Variants in EXOC4 observed in about 807,000 individuals in gnomAD.
The protein encoded by EXOC4 is SEC8-like 1.
In EXOC4, 71 loss-of-function variants were observed where a neutral mutation model predicts 107.2. The observed-to-expected ratio is 0.66, with a 90% CI of 0.55 to 0.81. EXOC4 has a LOEUF of 0.81. Among genes scored for constraint, EXOC4 ranks in the 30% least tolerant of loss-of-function variants. The pLI, the probability that EXOC4 is intolerant of heterozygous loss-of-function variation, is 0.00. For missense variants in EXOC4, 1,108 were observed against 1,189.6 expected (o/e 0.93, Z 1.01); for synonymous variants, 456 against 441.2 (o/e 1.03, Z -0.42).
chr7:133,572,692 A>G (rs1048512115), intron 9 of EXOC4, among the ~76,000 whole-genome samples: 2 of 152,050 alleles, frequency 1.3e-5, no homozygotes, highest in Non-Finnish European at 2.9e-5. Flanking sequence ...GTGTAGATAC[A>G]TTATTGAATT....
chr7:133,435,016 C>A (rs1188002310), intron 7 of EXOC4, among the ~76,000 whole-genome samples: 2 of 152,202 alleles, frequency 1.3e-5, no homozygotes, highest in South Asian at 4.1e-4. Flanking sequence ...TAGTCTCTCC[C>A]CTTTTAGCAT....
intron 16 of EXOC4, 67 bp from the exon 17 acceptor site, chr7:134,007,609 A>C (rs1025466357): frequency 6.2e-6 from 9 of 1,453,146 alleles, no homozygotes; most frequent in African/African-American, 1.4e-5. Context: ...TCTGTGTGCA[A>C]GTTTCTGCAG....
chr7:133,412,691 G>C (rs1014243205), intron 7 of EXOC4, among the ~76,000 whole-genome samples: 1 of 151,728 alleles, frequency 6.6e-6, no homozygotes, highest in African/African-American at 2.4e-5. Flanking sequence ...AACAGGACCG[G>C]GTCATAAGCC....
intron 11 of EXOC4, among the ~76,000 whole-genome samples, chr7:133,851,843 A>G (rs987588244): frequency 6.6e-6 from 1 of 152,192 alleles, no homozygotes; most frequent in Admixed American, 6.5e-5. Flanking sequence ...ACAAACTTCA[A>G]CAGTTCATTC....
chr7:133,327,438 T>C (rs956949725), intron 5 of EXOC4, among the ~76,000 whole-genome samples: 16 of 152,172 alleles, frequency 1.1e-4, no homozygotes, highest in Non-Finnish European at 1.8e-4. Context: ...TGTATCTCCT[T>C]CATTTCTGCT....
At chr7:133,703,827 C>T (rs547902857) in intron 10 of EXOC4, among the ~76,000 whole-genome samples, 10 of 152,352 alleles carry the variant, frequency 6.6e-5, no homozygotes, top group Admixed American at 6.5e-4. Flanking sequence ...GCATTATAGA[C>T]TTGTTCTGGC....
intron 12 of EXOC4, among the ~76,000 whole-genome samples, chr7:133,911,855 G>A (rs1270787721): frequency 6.6e-6 from 1 of 152,118 alleles, no homozygotes; most frequent in African/African-American, 2.4e-5. Context: ...TTGACCTATA[G>A]TGTGGGTCTA....
At chr7:133,531,525 G>C (rs1241802959) in intron 9 of EXOC4, among the ~76,000 whole-genome samples, 1 of 152,114 alleles carries the variant, frequency 6.6e-6, no homozygotes, top group Non-Finnish European at 1.5e-5. Flanking sequence ...GTAAAACCAA[G>C]AAAGACTTGT....
chr7:133,295,035 G>C (rs960310865), intron 3 of EXOC4, among the ~76,000 whole-genome samples: 3 of 152,062 alleles, frequency 2.0e-5, no homozygotes, highest in African/African-American at 7.2e-5. Flanking sequence ...AGTATATGCA[G>C]TATAAAGTTT....
Position 133,860,316 on chromosome 7 carries a change from G to A in EXOC4, c.1735-35283G>A, listed in dbSNP as rs77277959. On this transcript the variant is annotated intron_variant, in intron 11 of 17. Coordinates refer to ENST00000253861, the MANE Select transcript of EXOC4 (RefSeq NM_021807.4). ...CGGACAGCTCGCTCTCCCTTTCTCC[G>A]CCTCGTTTTCCACAGCATTTCTACA... 2.4e-3 allele frequency among the ~76,000 whole-genome samples: 366 copies of A among 152,236 alleles called. 5 individuals are homozygous for A. The highest frequency in any genetic ancestry group is 8.1e-3 in the African/African-American group (337 of 41,530).
At chr7:133,502,666 G>A (rs1206046522) in intron 9 of EXOC4, among the ~76,000 whole-genome samples, 3 of 152,078 alleles carry the variant, frequency 2.0e-5, no homozygotes, top group Non-Finnish European at 4.4e-5. Flanking sequence ...AAGCTTAGGT[G>A]CCTGAGATAA....
chr7:133,796,346 A>T (rs1353387170), intron 10 of EXOC4, among the ~76,000 whole-genome samples: 1 of 152,190 alleles, frequency 6.6e-6, no homozygotes, highest in Non-Finnish European at 1.5e-5. Flanking sequence ...TGGTGGAAAT[A>T]GGGCCAGAGA....
chr7:133,423,714 A>G (rs2150763139), intron 7 of EXOC4, among the ~76,000 whole-genome samples: 1 of 152,266 alleles, frequency 6.6e-6, no homozygotes, highest in Middle Eastern at 3.4e-3. Flanking sequence ...CAGAGGCTGA[A>G]GCCGGCTTCC....
the EXOC4 span, among the ~76,000 whole-genome samples, chr7:134,087,500 T>C: frequency 6.6e-6 from 1 of 152,150 alleles, no homozygotes; most frequent in Non-Finnish European, 1.5e-5. Flanking sequence ...TATTACACAA[T>C]AGTAAGGCAA....
intron 1 of EXOC4, among the ~76,000 whole-genome samples, chr7:133,265,318 C>G (rs934854100): frequency 1.3e-5 from 2 of 151,754 alleles, no homozygotes; most frequent in Non-Finnish European, 2.9e-5. Context: ...ATCTAGTACT[C>G]TTTCCATTAT....
chr7:133,488,589 G>C (rs1371773475), intron 9 of EXOC4, among the ~76,000 whole-genome samples: 1 of 151,936 alleles, frequency 6.6e-6, no homozygotes, highest in Non-Finnish European at 1.5e-5. Context: ...CATGCATATA[G>C]GAAAAAAACA....
In EXOC4 at chr7:134,064,765, G is replaced by T; in HGVS notation, c.*237G>T. The T allele has an allele frequency of 3.4e-6, 1 of 290,806 alleles. No individual in the cohort carries two copies. Among genetic ancestry groups the T allele is most frequent in the Non-Finnish European group, 6.3e-6 (1 of 157,946 alleles). 18.0% of individuals were successfully genotyped at this position (290,806 alleles called of 1,614,324 possible). The stretch of plus-strand genomic sequence containing the variant: ...AATGCAGTCAAATCTAACGGGACTA[G>T]GGTGGGATAGGGAGGAAGGTGGTAT... On this transcript the variant is annotated 3_prime_UTR_variant, in exon 18 of 18. Transcript: ENST00000253861.
intron 14 of EXOC4, among the ~76,000 whole-genome samples, chr7:133,992,399 C>G (rs529142079): frequency 6.6e-6 from 1 of 152,252 alleles, no homozygotes; most frequent in East Asian, 1.9e-4. Flanking sequence ...CCTCCCGCCT[C>G]AGCCTCCTGA....
intron 5 of EXOC4, among the ~76,000 whole-genome samples, chr7:133,344,396 A>AT (rs1253391433): frequency 2.6e-5 from 4 of 151,780 alleles, no homozygotes; most frequent in Admixed American, 2.0e-4. Flanking sequence ...TCTGTTCATC[A>AT]TTTTTTTGTT....
Sources: allele counts gnomAD v4.1 joint callset (sites outside exome capture counted in the v4.1 genomes callset), GRCh38; gene constraint gnomAD v4.1.1; transcripts MANE v1.5; gene names NCBI Gene and HGNC (gene_info 2026-07-23, HGNC 2026-07-21).